The following RNF111 variants were observed in gnomAD, a reference collection of about 807,000 sequenced individuals.
The protein encoded by RNF111 is ring finger protein 111.
RNF111 carries 17 observed loss-of-function variants against 95.1 expected under a neutral mutation model. The observed-to-expected ratio is 0.18, with a 90% confidence interval of 0.12 to 0.27. The LOEUF is 0.27. RNF111 is among the 10% of genes least tolerant of loss of function. RNF111 has a pLI of 1.00. For synonymous variants in RNF111, 440 were observed against 414.8 expected, an observed-to-expected ratio of 1.06 and a Z score of -0.74; for missense variants, 1,189 against 1,210.4, an observed-to-expected ratio of 0.98 and a Z score of 0.26.
intron 5 of RNF111, among the ~76,000 whole-genome samples, chr15:59,059,821 A>G (rs554346687): frequency 5.8e-4 from 89 of 152,328 alleles, no homozygotes; most frequent in African/African-American, 2.0e-3. Context: ...CTGCTTACCA[A>G]TAGGGACACT....
chr15:59,059,141 A>G (rs1438907587), intron 5 of RNF111, among the ~76,000 whole-genome samples: 1 of 152,114 alleles, frequency 6.6e-6, no homozygotes, highest in Non-Finnish European at 1.5e-5. Flanking sequence ...AAAAAGTAAA[A>G]AGAAACAAAC....
At chr15:58,996,851 C>T (rs2141403047) in intron 1 of RNF111, among the ~76,000 whole-genome samples, 1 of 152,010 alleles carries the variant, frequency 6.6e-6, no homozygotes. Context: ...TTTTAAAAGT[C>T]AGTTTCAAAA....
intron 1 of RNF111, among the ~76,000 whole-genome samples, chr15:58,993,448 G>A (rs1165168061): frequency 6.6e-6 from 1 of 152,142 alleles, no homozygotes; most frequent in Admixed American, 6.5e-5. Flanking sequence ...TGAGACAGGA[G>A]AATTGCTTGA....
rs557703339 is a variant in RNF111, at chr15:59,013,898, T to C, written c.-19-16906T>C. Among the ~76,000 whole-genome samples the C allele has an allele frequency of 2.6e-5, 4 of 152,116 alleles. No homozygotes were observed. The East Asian group carries it at 7.7e-4, about 29-fold the overall frequency. On this transcript the variant is annotated intron_variant, in intron 1 of 13. Transcript: ENST00000348370. The stretch of plus-strand genomic sequence containing the variant: ...CTGCCTCCCAGGTTCAAGTAATTCT[T>C]ATGCCTCAGCGTCCCGAGTAGCTGG...
At chr15:59,071,140 A>G (rs1450045901) in intron 6 of RNF111, among the ~76,000 whole-genome samples, 1 of 151,450 alleles carries the variant, frequency 6.6e-6, no homozygotes, top group Non-Finnish European at 1.5e-5. Context: ...TACTAAGTAT[A>G]CAAAAAAAGT....
chr15:58,991,045 C>T (rs763511141), intron 1 of RNF111, among the ~76,000 whole-genome samples: 6 of 151,982 alleles, frequency 3.9e-5, no homozygotes, highest in East Asian at 3.9e-4. Flanking sequence ...CCTGTAATCC[C>T]AGCACTTTGG....
chr15:59,094,556 G>T (rs1213643064), intron 13 of RNF111, among the ~76,000 whole-genome samples: 1 of 152,040 alleles, frequency 6.6e-6, no homozygotes, highest in Admixed American at 6.6e-5. Flanking sequence ...TGTTCTTACA[G>T]TTTTTAAGAT....
chr15:59,062,406 C>G (rs933632332), intron 5 of RNF111, among the ~76,000 whole-genome samples: 1 of 152,150 alleles, frequency 6.6e-6, no homozygotes, highest in Non-Finnish European at 1.5e-5. Flanking sequence ...GCAGTCAGTT[C>G]AAACTCAATG....
intron 8 of RNF111, among the ~76,000 whole-genome samples, chr15:59,083,102 T>C (rs989336844): frequency 6.6e-6 from 1 of 151,932 alleles, no homozygotes; most frequent in African/African-American, 2.4e-5. Flanking sequence ...TGAGCTATGA[T>C]TGTGCCACTG....
chr15:59,080,486 A>C (rs940626715), intron 7 of RNF111, among the ~76,000 whole-genome samples: 1 of 152,064 alleles, frequency 6.6e-6, no homozygotes, highest in African/African-American at 2.4e-5. Flanking sequence ...ATTTTTATTA[A>C]CTGGCATCTA....
At chr15:59,051,463 A>G (rs1192755249) in intron 2 of RNF111, among the ~76,000 whole-genome samples, 3 of 150,298 alleles carry the variant, frequency 2.0e-5, no homozygotes, top group Non-Finnish European at 4.4e-5. Context: ...GTCTCAAAAA[A>G]AAAAAGGAAA....
chr15:59,045,233 A>G (rs2041651674), intron 2 of RNF111, among the ~76,000 whole-genome samples: 1 of 146,098 alleles, frequency 6.8e-6, no homozygotes, highest in Non-Finnish European at 1.5e-5. Flanking sequence ...CTTGTCACCC[A>G]GGCCTGGAGT....
chr15:59,065,373 A>G (rs529117522), intron 5 of RNF111, among the ~76,000 whole-genome samples: 22 of 152,250 alleles, frequency 1.4e-4, no homozygotes, highest in Admixed American at 3.3e-4. Context: ...TTCTTCTGCC[A>G]TAGAAGAACA....
Position 59,093,432 on chromosome 15 carries a change from A to G in RNF111, c.2843+792A>G, listed in dbSNP as rs537469720. 23 of 413,806 alleles carry G rather than the reference A, an allele frequency of 5.6e-5. No homozygotes were observed. The East Asian group carries it at 1.4e-3, about 25-fold the overall frequency. 25.6% of individuals were successfully genotyped at this position (413,806 alleles called of 1,614,324 possible). On this transcript the variant is annotated intron_variant, in intron 13 of 13. Coordinates refer to ENST00000348370, the MANE Select transcript of RNF111 (RefSeq NM_017610.8). Reference sequence around the variant, plus strand: ...GCAGTCTCAGCTCACTGCAACCTCCACCTCCTGGGCTGAAGCGATCCACCT... The same window carrying G: ...GCAGTCTCAGCTCACTGCAACCTCCGCCTCCTGGGCTGAAGCGATCCACCT...
chr15:59,033,884 AAG>A (rs2041037929), intron 2 of RNF111, among the ~76,000 whole-genome samples: 1 of 152,218 alleles, frequency 6.6e-6, no homozygotes, highest in African/African-American at 2.4e-5. Flanking sequence ...TGTTGAAACC[AAG>A]TACATTCAAT....
chr15:59,002,386 T>C (rs1468905132), intron 1 of RNF111, among the ~76,000 whole-genome samples: 1 of 152,226 alleles, frequency 6.6e-6, no homozygotes, highest in East Asian at 1.9e-4. Flanking sequence ...TTGTTATTTG[T>C]AGCAGTTACC....
At chr15:59,058,253 A>C (rs996049304) in intron 4 of RNF111, 103 bp from the exon 5 acceptor site, 7 of 919,874 alleles carry the variant, frequency 7.6e-6, no homozygotes, top group East Asian at 5.4e-5. Context: ...TGTATTTTTA[A>C]AGTTTTTTTA....
Position 59,094,863 on chromosome 15 carries a change from GAGTGGACATTGAGGCCC to G in RNF111, c.2927_2943del (p.Val976AlafsTer4). The G allele has an allele frequency of 6.2e-7, 1 of 1,612,134 alleles. No individual in the cohort carries two copies. Among genetic ancestry groups the G allele is most frequent in the Non-Finnish European group, 8.5e-7 (1 of 1,178,532 alleles). ...ACCAATAAGAAGTGCCCCATATGCA[GAGTGGACATTGAGGCCC>G]AGCTGCCAAGTGAAAGTTGACACCA... On this transcript the variant is annotated frameshift_variant, in exon 14 of 14. Transcript: ENST00000348370. LOFTEE classifies it high-confidence loss of function.
chr15:59,082,522 T>G (rs1053778403), intron 8 of RNF111, among the ~76,000 whole-genome samples: 3 of 152,216 alleles, frequency 2.0e-5, no homozygotes, highest in Non-Finnish European at 4.4e-5. Context: ...GGATCTGATT[T>G]TCATATTCAG....
Sources: gnomAD v4.1 joint callset for allele counts (sites outside exome capture counted in the v4.1 genomes callset) on GRCh38, gnomAD v4.1.1 for gene constraint, MANE v1.5 for transcripts, NCBI Gene and HGNC (gene_info 2026-07-23, HGNC 2026-07-21) for gene names.